CABCOCO1: variants seen among roughly 807,000 people sequenced by gnomAD.
The protein encoded by CABCOCO1 is ciliary associated calcium binding coiled-coil 1, also known as ciliary-associated calcium-binding coiled-coil protein 1.
CABCOCO1 carries 28 observed loss-of-function variants against 35.7 expected under a neutral mutation model. The observed-to-expected ratio is 0.78, with a 90% confidence interval of 0.58 to 1.07. The LOEUF is 1.07. CABCOCO1 is among the 50% of genes least tolerant of loss of function. The pLI, the probability that CABCOCO1 is intolerant of heterozygous loss-of-function variation, is 0.00. For synonymous variants in CABCOCO1, 95 were observed against 100.1 expected, an observed-to-expected ratio of 0.95 and a Z score of 0.30; for missense variants, 326 against 309.2, an observed-to-expected ratio of 1.05 and a Z score of -0.41.
At chr10:61,728,086 T>G (rs1841206198) in intron 5 of CABCOCO1, among the ~76,000 whole-genome samples, 1 of 152,186 alleles carries the variant, frequency 6.6e-6, no homozygotes, top group South Asian at 2.1e-4. Context: ...ACTAAACCCA[T>G]TTTTGAACCT....
intron 5 of CABCOCO1, 137 bp downstream of exon 5, chr10:61,690,758 A>G: frequency 3.6e-6 from 2 of 550,636 alleles, no homozygotes; most frequent in Non-Finnish European, 3.2e-6. Context: ...CGTAGTTTGC[A>G]AAAAGAATAA....
At chr10:61,702,421 T>C (rs1007965824) in intron 5 of CABCOCO1, among the ~76,000 whole-genome samples, 1 of 152,164 alleles carries the variant, frequency 6.6e-6, no homozygotes, top group Admixed American at 6.6e-5. Flanking sequence ...TGGATTCCTT[T>C]CTATGGGCTG....
intron 5 of CABCOCO1, among the ~76,000 whole-genome samples, chr10:61,714,569 G>A (rs1257723639): frequency 6.6e-6 from 1 of 152,010 alleles, no homozygotes; most frequent in African/African-American, 2.4e-5. Context: ...GAATTTGTTT[G>A]TTCTTGCTTC....
intron 1 of CABCOCO1, among the ~76,000 whole-genome samples, chr10:61,670,183 G>T (rs1375216329): frequency 6.6e-6 from 1 of 151,898 alleles, no homozygotes; most frequent in Non-Finnish European, 1.5e-5. Context: ...TAATGGGATT[G>T]ACCCTATAGG....
chr10:61,689,999 G>A (rs953373961), intron 4 of CABCOCO1, among the ~76,000 whole-genome samples: 1 of 152,000 alleles, frequency 6.6e-6, no homozygotes, highest in Non-Finnish European at 1.5e-5. Flanking sequence ...ATGTATGACC[G>A]AATATTCTGC....
chr10:61,712,812 T>A (rs1029315780), intron 5 of CABCOCO1, among the ~76,000 whole-genome samples: 1 of 152,176 alleles, frequency 6.6e-6, no homozygotes, highest in Non-Finnish European at 1.5e-5. Flanking sequence ...ATCCGATGGT[T>A]GTAGATGTGT....
At chr10:61,746,837 T>A (rs1841672934) in intron 5 of CABCOCO1, among the ~76,000 whole-genome samples, 1 of 152,140 alleles carries the variant, frequency 6.6e-6, no homozygotes, top group Non-Finnish European at 1.5e-5. Flanking sequence ...ACACTTCTCA[T>A]GTCTTATCTC....
intron 5 of CABCOCO1, among the ~76,000 whole-genome samples, chr10:61,724,294 T>C (rs1179134146): frequency 2.6e-5 from 4 of 152,176 alleles, no homozygotes; most frequent in Non-Finnish European, 4.4e-5. Flanking sequence ...CTGGAGTATC[T>C]CCATTCAGGA....
chr10:61,672,285 C>T (rs1336866360), intron 1 of CABCOCO1, among the ~76,000 whole-genome samples: 1 of 152,186 alleles, frequency 6.6e-6, no homozygotes, highest in Non-Finnish European at 1.5e-5. Context: ...GCTCCTCTCA[C>T]TAGATGTTAA....
chr10:61,723,249 T>A (rs528468167), intron 5 of CABCOCO1, among the ~76,000 whole-genome samples: 3 of 152,216 alleles, frequency 2.0e-5, no homozygotes, highest in Non-Finnish European at 4.4e-5. Context: ...ATCTTCTTGA[T>A]AAACACTAAA....
intron 5 of CABCOCO1, among the ~76,000 whole-genome samples, chr10:61,692,906 C>G (rs1000411977): frequency 6.6e-5 from 10 of 152,090 alleles, no homozygotes; most frequent in Non-Finnish European, 2.9e-5. Context: ...CCTATCTCAT[C>G]TATTCAAGCA....
At chr10:61,737,163 A>G (rs1841436199) in intron 5 of CABCOCO1, among the ~76,000 whole-genome samples, 1 of 152,080 alleles carries the variant, frequency 6.6e-6, no homozygotes, top group South Asian at 2.1e-4. Context: ...GATTGCTCCA[A>G]AGAAGACATA....
chr10:61,676,217 A>G (rs1285288355), intron 2 of CABCOCO1, among the ~76,000 whole-genome samples: 1 of 152,220 alleles, frequency 6.6e-6, no homozygotes, highest in Non-Finnish European at 1.5e-5. Flanking sequence ...AACTCAGAAA[A>G]TACAGTATTC....
At position 61,766,076 on chromosome 10, in the gene CABCOCO1, C is replaced by T. The variant is rs2132101689; in HGVS notation, c.*63C>T. On this transcript the variant is annotated 3_prime_UTR_variant, in exon 8 of 8. Transcript: ENST00000648843. ...AAACAAACAAAACCAGCCAGAATAA[C>T]AGACTCTCTGGAGCGTCGTGTCTCC... 1 of 1,444,060 alleles carries T rather than the reference C, an allele frequency of 6.9e-7. No individual in the cohort carries two copies. Among genetic ancestry groups the T allele is most frequent in the Non-Finnish European group, 9.6e-7 (1 of 1,038,298 alleles). 89.5% of individuals were successfully genotyped at this position (1,444,060 alleles called of 1,614,324 possible).
intron 5 of CABCOCO1, among the ~76,000 whole-genome samples, chr10:61,743,696 CGTAT>C (rs1009912929): frequency 6.6e-6 from 1 of 152,156 alleles, no homozygotes; most frequent in African/African-American, 2.4e-5. Flanking sequence ...GAATGTTCTC[CGTAT>C]GTATCTGTTC....
intron 3 of CABCOCO1, among the ~76,000 whole-genome samples, chr10:61,681,557 T>C: frequency 6.6e-6 from 1 of 152,164 alleles, no homozygotes. Flanking sequence ...TTTAAAGTTG[T>C]ATCAGTGGCA....
intron 4 of CABCOCO1, among the ~76,000 whole-genome samples, chr10:61,690,061 G>T (rs1340339912): frequency 6.6e-6 from 1 of 151,992 alleles, no homozygotes; most frequent in African/African-American, 2.4e-5. Flanking sequence ...CCATTTTTCA[G>T]GTATTATTAT....
At chr10:61,747,636 A>G (rs528075095) in intron 5 of CABCOCO1, among the ~76,000 whole-genome samples, 39 of 152,334 alleles carry the variant, frequency 2.6e-4, no homozygotes, top group Admixed American at 9.8e-4. Flanking sequence ...GAATTTCCCA[A>G]CAGTAGCTCA....
At chr10:61,765,839 A>G in intron 7 of CABCOCO1, 100 bp from the exon 8 acceptor site, 1 of 1,060,624 alleles carries the variant, frequency 9.4e-7, no homozygotes, top group Non-Finnish European at 1.4e-6. Context: ...GTGAGGGATA[A>G]TATCTGTCTT....
Sources: allele counts gnomAD v4.1 joint callset (sites outside exome capture counted in the v4.1 genomes callset), GRCh38; gene constraint gnomAD v4.1.1; transcripts MANE v1.5; gene names NCBI Gene and HGNC (gene_info 2026-07-23, HGNC 2026-07-21).